Variants in MRPL47 observed in about 807,000 individuals in gnomAD.
MRPL47 encodes the protein large ribosomal subunit protein uL29m.
MRPL47 carries 31 observed loss-of-function variants against 34.0 expected under a neutral mutation model. The observed-to-expected ratio is 0.91, with a 90% CI of 0.68 to 1.23. The LOEUF (loss-of-function observed/expected upper bound fraction) is 1.23. Ranked by LOEUF, MRPL47 falls within the 50% of genes most tolerant of loss-of-function variation. The pLI, the probability that MRPL47 is intolerant of heterozygous loss-of-function variation, is 0.00. For missense variants in MRPL47, 328 were observed against 285.8 expected, an observed-to-expected ratio of 1.15 and a Z score of -1.07; for synonymous variants, 106 against 101.6, an observed-to-expected ratio of 1.04 and a Z score of -0.26.
chr3:179,602,979 C>T (rs559464436), intron 1 of MRPL47, among the ~76,000 whole-genome samples, 182 bp from the exon 2 acceptor site: 5 of 151,894 alleles, frequency 3.3e-5, no homozygotes, highest in Non-Finnish European at 7.4e-5. Flanking sequence ...ACTATGTTGT[C>T]CAGGCTGGTC....
intron 5 of MRPL47, among the ~76,000 whole-genome samples, chr3:179,593,211 G>A (rs188113313): frequency 2.7e-4 from 41 of 152,314 alleles, no homozygotes; most frequent in African/African-American, 9.9e-4. Context: ...AAGACTCTGG[G>A]ATTTGAATGT....
In MRPL47 at chr3:179,588,920, T is replaced by TAAAAG; in HGVS notation, c.700_704dup (p.Leu235PhefsTer3). On this transcript the variant is annotated frameshift_variant, in exon 7 of 7. Transcript: ENST00000476781. LOFTEE classifies it high-confidence loss of function. ...CTTCAGCAAGATGTGGAAACTTTTT[T>TAAAAG]AAAAGAATTTTTGCTTTCTTTCTCT... The TAAAAG allele has an allele frequency of 6.2e-7, 1 of 1,613,842 alleles. No individual in the cohort carries two copies. The highest frequency in any genetic ancestry group is 1.7e-5 in the Admixed American group (1 of 60,016).
chr3:179,604,377 A>G, intron 1 of MRPL47, 150 bp downstream of exon 1: 1 of 670,332 alleles, frequency 1.5e-6, no homozygotes, highest in South Asian at 1.9e-5. Context: ...GACTTCTCCA[A>G]GGTCACTCAC....
chr3:179,598,825 G>A, intron 3 of MRPL47, 54 bp from the exon 4 acceptor site: 1 of 1,298,276 alleles, frequency 7.7e-7, no homozygotes, highest in Non-Finnish European at 1.1e-6. Context: ...TGTTAATAAA[G>A]TTGTGATTTC....
At chr3:179,604,071 G>GAAA (rs1301025825) in intron 1 of MRPL47, among the ~76,000 whole-genome samples, 1 of 151,328 alleles carries the variant, frequency 6.6e-6, no homozygotes, top group Non-Finnish European at 1.5e-5. Flanking sequence ...CCAGGACCAA[G>GAAA]AAAAATAAAT....
At chr3:179,593,335 A>G (rs1185734397) in intron 5 of MRPL47, among the ~76,000 whole-genome samples, 6 of 151,900 alleles carry the variant, frequency 3.9e-5, no homozygotes, top group Non-Finnish European at 8.8e-5. Context: ...CTGAGACTTT[A>G]AAAAAAATAG....
At chr3:179,598,425 C>CACAA (rs1718841949) in intron 4 of MRPL47, among the ~76,000 whole-genome samples, 4 of 125,962 alleles carry the variant, frequency 3.2e-5, no homozygotes, top group East Asian at 2.6e-4. Flanking sequence ...CACACACACA[C>CACAA]AAACAAAAAA....
chr3:179,600,654 T>C (rs1718906275), intron 3 of MRPL47, among the ~76,000 whole-genome samples: 1 of 150,994 alleles, frequency 6.6e-6, no homozygotes, highest in Admixed American at 6.6e-5. Flanking sequence ...AAAGATAAAA[T>C]AAAAAAAAGC....
At chr3:179,603,298 A>C (rs1343969030) in intron 1 of MRPL47, among the ~76,000 whole-genome samples, 3 of 152,074 alleles carry the variant, frequency 2.0e-5, no homozygotes, top group African/African-American at 7.2e-5. Flanking sequence ...GAAATTTGGA[A>C]GGCCGAGGTG....
rs766384420 is a variant in MRPL47, at chr3:179,589,002, T to TA, written c.630-8dup. On this transcript the variant is annotated splice_region_variant and splice_polypyrimidine_tract_variant and intron_variant, in intron 6 of 6. Coordinates refer to ENST00000476781, the MANE Select transcript of MRPL47 (RefSeq NM_020409.3). ...TCGTTTCTCACGTTCCAGTCTAGAA[T>TA]AAAAAAAGCGTAACAGCAATTTATA... The TA allele has an allele frequency of 6.2e-5, 98 of 1,592,992 alleles. 1 individual carries two copies. The highest frequency in any genetic ancestry group is 7.8e-5 in the Non-Finnish European group (91 of 1,173,300).
chr3:179,596,499 A>G (rs7635877), intron 4 of MRPL47, among the ~76,000 whole-genome samples: 110,122 of 152,110 alleles, frequency 0.72, 40,402 homozygotes, highest in East Asian at 0.92. Flanking sequence ...CAGTACATAT[A>G]ACCTACTGGG....
rs746949445 is a variant in MRPL47 at position 179,602,777 on chromosome 3, G to A, written c.119C>T (p.Pro40Leu). 2.5e-6 allele frequency: 4 copies of A among 1,603,532 alleles called. No individual in the cohort carries two copies. The highest frequency in any genetic ancestry group is 3.4e-6 in the Non-Finnish European group (4 of 1,177,502). ...GGATGTCACATTTGGTGTACTCTTA[G>A]GCAACAAACTAAGAAAAAACCTGCA... is the stretch of plus-strand genomic sequence containing the variant. The part of the protein sequence containing the change: ...ACTGFFLSLL[P>L]KSTPNVTSFH... The change falls in exon 2 of 7, where the codon CCT becomes CTT. Residue 40 changes from proline to leucine, a missense_variant. By Grantham distance (98) the Pro-to-Leu change is moderately conservative. Transcript: ENST00000476781.
intron 6 of MRPL47, 102 bp from the exon 7 acceptor site, chr3:179,589,097 T>TG (rs1460003423): frequency 2.7e-6 from 3 of 1,117,404 alleles, no homozygotes; most frequent in Admixed American, 2.4e-5. Context: ...GCTTCAAACA[T>TG]GCCAGTCCCT....
At chr3:179,600,268 A>C (rs185146730) in intron 3 of MRPL47, among the ~76,000 whole-genome samples, 181 of 152,352 alleles carry the variant, frequency 1.2e-3, no homozygotes, top group African/African-American at 3.7e-3. Context: ...TAATGAATAA[A>C]CATAGTATCA....
chr3:179,593,068 T>C (rs1560018082), intron 5 of MRPL47, among the ~76,000 whole-genome samples: 1 of 152,168 alleles, frequency 6.6e-6, no homozygotes, highest in Non-Finnish European at 1.5e-5. Flanking sequence ...ATAAACCTCT[T>C]TCTGAGGGGA....
intron 4 of MRPL47, among the ~76,000 whole-genome samples, chr3:179,598,429 C>CACACACACACACACACA (rs370530062): frequency 8.4e-6 from 1 of 118,828 alleles, no homozygotes; most frequent in East Asian, 2.3e-4. Context: ...CACACACAAA[C>CACACACACACACACACA]AAAAAAAAAA....
chr3:179,593,286 G>A (rs1718716147), intron 5 of MRPL47, among the ~76,000 whole-genome samples: 1 of 152,232 alleles, frequency 6.6e-6, no homozygotes, highest in Non-Finnish European at 1.5e-5. Context: ...TATCCTGATG[G>A]CAGTGGGAGC....
intron 5 of MRPL47, 86 bp downstream of exon 5, chr3:179,593,679 A>C (rs1718724588): frequency 1.6e-5 from 21 of 1,324,832 alleles, no homozygotes; most frequent in Non-Finnish European, 2.1e-5. Context: ...ATATGGTACA[A>C]ATTTTTTTTT....
chr3:179,598,571 G>T (rs1198079282), intron 4 of MRPL47, 104 bp downstream of exon 4: 2 of 765,772 alleles, frequency 2.6e-6, no homozygotes, highest in East Asian at 2.6e-5. Context: ...AAAATCAAAC[G>T]AATAAGAAAA....
Sources: gnomAD v4.1 joint callset for allele counts (sites outside exome capture counted in the v4.1 genomes callset) on GRCh38, gnomAD v4.1.1 for gene constraint, MANE v1.5 for transcripts, NCBI Gene and HGNC (gene_info 2026-07-23, HGNC 2026-07-21) for gene names.